ADGRV1: variants seen among roughly 807,000 people sequenced by gnomAD.
ADGRV1 encodes adhesion G protein-coupled receptor V1.
A neutral mutation model predicts 596.2 loss-of-function variants in ADGRV1; 359 were observed. The observed-to-expected ratio is 0.60, with a 90% CI of 0.55 to 0.66. The LOEUF (loss-of-function observed/expected upper bound fraction) is 0.66. ADGRV1 is among the 30% of genes least tolerant of loss of function. The pLI is 0.00. For missense variants in ADGRV1, 7,274 were observed against 7,575.6 expected, an observed-to-expected ratio of 0.96 and a Z score of 1.48; for synonymous variants, 2,681 against 2,679.2, an observed-to-expected ratio of 1.00 and a Z score of -0.02.
chr5:90,681,288 TC>T, intron 26 of ADGRV1, 26 bp from the exon 27 acceptor site: 2 of 1,595,834 alleles, frequency 1.3e-6, no homozygotes, highest in South Asian at 1.2e-5. Flanking sequence ...ATTTTTTTTT[TC>T]TATTTGTTGG....
At chr5:90,871,482 A>T (rs1768673152) in intron 83 of ADGRV1, among the ~76,000 whole-genome samples, 1 of 152,250 alleles carries the variant, frequency 6.6e-6, no homozygotes, top group Non-Finnish European at 1.5e-5. Flanking sequence ...AATACTGGGA[A>T]ATTCAGACTT....
At chr5:90,865,446 G>A (rs1340458421) in intron 83 of ADGRV1, among the ~76,000 whole-genome samples, 1 of 152,110 alleles carries the variant, frequency 6.6e-6, no homozygotes, top group Non-Finnish European at 1.5e-5. Context: ...GTCTAGGGAT[G>A]TGAAAGACAA....
Position 90,651,387 on chromosome 5 carries a change from TTCTC to T in ADGRV1, c.3290-209_3290-206del, listed in dbSNP as rs5869511. Among the ~76,000 whole-genome samples, 60,160 of 151,604 alleles carry T rather than the reference TTCTC, an allele frequency of 0.4. 12,307 individuals carry two copies. The highest frequency in any genetic ancestry group is 0.55 in the Admixed American group (8,314 of 15,210). On this transcript the variant is annotated intron_variant, in intron 17 of 89. Transcript: ENST00000405460. Reference sequence around the variant, plus strand: ...CTTGAAATTATGTAGGCATCTCTCTTTCTCTCTCTCTTTGTATGTATGTTTGTAC... The same window carrying T: ...CTTGAAATTATGTAGGCATCTCTCTTTCTCTCTTTGTATGTATGTTTGTAC...
chr5:90,740,088 A>C (rs2149881897), intron 50 of ADGRV1, among the ~76,000 whole-genome samples: 1 of 152,336 alleles, frequency 6.6e-6, no homozygotes, highest in Non-Finnish European at 1.5e-5. Flanking sequence ...GAGCGAAGTT[A>C]AGGAAAGTAC....
intron 87 of ADGRV1, among the ~76,000 whole-genome samples, chr5:91,145,645 T>G (rs76503682): frequency 6.8e-6 from 1 of 148,086 alleles, no homozygotes; most frequent in African/African-American, 2.5e-5. Flanking sequence ...TATTATTGTT[T>G]CCAAAAAAAA....
intron 86 of ADGRV1, among the ~76,000 whole-genome samples, chr5:91,086,997 A>T (rs989705486): frequency 6.6e-6 from 1 of 152,156 alleles, no homozygotes; most frequent in Non-Finnish European, 1.5e-5. Flanking sequence ...ACACCAGCCA[A>T]AAGGAACAAC....
intron 1 of ADGRV1, among the ~76,000 whole-genome samples, chr5:90,577,474 A>G (rs549457220): frequency 6.6e-6 from 1 of 152,206 alleles, no homozygotes; most frequent in South Asian, 2.1e-4. Flanking sequence ...CCATTGATCT[A>G]TGTATCTGTT....
chr5:91,045,227 C>T (rs1785692016), intron 85 of ADGRV1, among the ~76,000 whole-genome samples: 1 of 152,084 alleles, frequency 6.6e-6, no homozygotes, highest in Non-Finnish European at 1.5e-5. Flanking sequence ...CAGGAAAGGA[C>T]ATAACCAAAA....
At chr5:91,071,814 A>G (rs960057372) in intron 85 of ADGRV1, among the ~76,000 whole-genome samples, 10 of 152,116 alleles carry the variant, frequency 6.6e-5, no homozygotes, top group Admixed American at 5.2e-4. Context: ...AGCTGGGACT[A>G]CAGGCACCTG....
intron 8 of ADGRV1, 149 bp from the exon 9 acceptor site, chr5:90,629,061 C>T (rs2149382541): frequency 1.6e-6 from 1 of 640,956 alleles, no homozygotes; most frequent in African/African-American, 1.8e-5. Flanking sequence ...GTTTTTGGTT[C>T]ATCTTTTGCT....
At chr5:90,779,353 C>A in intron 64 of ADGRV1, 1 of 230,314 alleles carries the variant, frequency 4.3e-6, no homozygotes. Flanking sequence ...CTCTGGGTAG[C>A]CAGGAAGTTG....
At position 90,578,523 on chromosome 5, in the gene ADGRV1, A is replaced by C. The variant is rs191548503; in HGVS notation, c.22+19606A>C. Among the ~76,000 whole-genome samples the C allele has an allele frequency of 3.2e-3, 480 of 148,380 alleles. 5 individuals are homozygous for C. Among genetic ancestry groups the C allele is most frequent in the African/African-American group, 0.012 (469 of 37,720 alleles). On this transcript the variant is annotated intron_variant, in intron 1 of 89. Transcript: ENST00000405460. The stretch of plus-strand genomic sequence containing the variant: ...GCTGGATTCCGTTTGCCAGTATTTT[A>C]CTGAGGATTTTTGCATCGATGTTCA...
At chr5:90,900,566 A>G (rs58258039) in intron 83 of ADGRV1, among the ~76,000 whole-genome samples, 27,309 of 152,062 alleles carry the variant, frequency 0.18, 3,696 homozygotes, top group African/African-American at 0.36. Context: ...TTTCAACAAA[A>G]ACAGATTTCA....
At chr5:90,652,610 A>G in intron 19 of ADGRV1, 47 bp downstream of exon 19, 2 of 1,214,018 alleles carry the variant, frequency 1.6e-6, no homozygotes, top group Non-Finnish European at 2.3e-6. Flanking sequence ...TCTTATTTAT[A>G]CTAAATTTTA....
chr5:91,115,194 AGT>A (rs1373829187), intron 87 of ADGRV1, among the ~76,000 whole-genome samples: 2 of 152,124 alleles, frequency 1.3e-5, no homozygotes, highest in Non-Finnish European at 2.9e-5. Flanking sequence ...TTATTGTGTA[AGT>A]GTGTGTAAAA....
chr5:90,834,099 G>A (rs1764752338), intron 77 of ADGRV1, among the ~76,000 whole-genome samples: 1 of 152,062 alleles, frequency 6.6e-6, no homozygotes. Context: ...TACTGTCTAT[G>A]TCTAGAAAAG....
intron 60 of ADGRV1, among the ~76,000 whole-genome samples, chr5:90,775,894 C>T (rs1326691427): frequency 1.3e-5 from 2 of 152,108 alleles, no homozygotes; most frequent in African/African-American, 4.8e-5. Context: ...TCATGAACCC[C>T]TAATATGTGT....
At chr5:91,015,328 A>T (rs1037055408) in intron 85 of ADGRV1, among the ~76,000 whole-genome samples, 4 of 152,090 alleles carry the variant, frequency 2.6e-5, no homozygotes, top group Non-Finnish European at 4.4e-5. Flanking sequence ...AGTATGTGCC[A>T]TGTGGCGATG....
intron 8 of ADGRV1, 184 bp from the exon 9 acceptor site, chr5:90,629,025 TG>T (rs1765158872): frequency 3.0e-6 from 2 of 670,636 alleles, no homozygotes; most frequent in Non-Finnish European, 4.6e-6. Flanking sequence ...TTCCACAAAC[TG>T]TGATTTAGGA....
Sources: gnomAD v4.1 joint callset for allele counts (sites outside exome capture counted in the v4.1 genomes callset) on GRCh38, gnomAD v4.1.1 for gene constraint, MANE v1.5 for transcripts, NCBI Gene and HGNC (gene_info 2026-07-23, HGNC 2026-07-21) for gene names.